PLCE1: variants seen among roughly 807,000 people sequenced by gnomAD.
PLCE1 encodes phospholipase C epsilon 1.
PLCE1 carries 119 observed loss-of-function variants against 242.8 expected under a neutral mutation model. The ratio of observed to expected loss-of-function variants is 0.49; its 90% CI spans 0.42 to 0.57. The LOEUF is 0.57. Among genes scored for constraint, PLCE1 ranks in the 20% least tolerant of loss-of-function variants. PLCE1 has a pLI of 0.00. For synonymous variants in PLCE1, 945 were observed against 1,017.4 expected, an observed-to-expected ratio of 0.93 and a Z score of 1.35; for missense variants, 2,441 against 2,788.8, an observed-to-expected ratio of 0.88 and a Z score of 2.81.
chr10:94,136,821 A>AT (rs2046791828), intron 3 of PLCE1, among the ~76,000 whole-genome samples: 1 of 152,226 alleles, frequency 6.6e-6, no homozygotes. Flanking sequence ...TGCCCTTATC[A>AT]TAAGTGTGTG....
chr10:94,039,363 G>T (rs773259468), intron 2 of PLCE1, among the ~76,000 whole-genome samples: 1 of 151,046 alleles, frequency 6.6e-6, no homozygotes, highest in Non-Finnish European at 1.5e-5. Context: ...AATGCAAAAG[G>T]GTTCTAGTTT....
At chr10:94,195,207 CAT>C (rs755786067) in intron 4 of PLCE1, among the ~76,000 whole-genome samples, 5 of 152,094 alleles carry the variant, frequency 3.3e-5, no homozygotes, top group Non-Finnish European at 7.4e-5. Flanking sequence ...ACTTCAGAAA[CAT>C]AGCATGTTCT....
chr10:94,049,352 G>A (rs938960312), intron 2 of PLCE1, among the ~76,000 whole-genome samples: 4 of 152,052 alleles, frequency 2.6e-5, no homozygotes, highest in Non-Finnish European at 4.4e-5. Context: ...ATGGTGTGAC[G>A]TAGGCAGGAA....
In PLCE1 at chr10:94,328,527, AC is replaced by A. The variant is rs888453803; in HGVS notation, c.*586del. On this transcript the variant is annotated 3_prime_UTR_variant, in exon 33 of 33. Transcript: ENST00000371380. Reference sequence around the variant, plus strand: ...GTGGCAGGCTAGATTTGGCCCAAGGACCTTAATTTGCCAACACAACTAAGAG... The same window carrying A: ...GTGGCAGGCTAGATTTGGCCCAAGGACTTAATTTGCCAACACAACTAAGAG... 2.0e-5 allele frequency: 3 copies of A among 152,282 alleles called. No homozygotes were observed. Among genetic ancestry groups the A allele is most frequent in the African/African-American group, 7.2e-5 (3 of 41,452 alleles). 9.4% of individuals were successfully genotyped at this position (152,282 alleles called of 1,614,324 possible).
At chr10:94,097,954 G>C (rs1049519107) in intron 2 of PLCE1, among the ~76,000 whole-genome samples, 2 of 152,210 alleles carry the variant, frequency 1.3e-5, no homozygotes, top group Non-Finnish European at 2.9e-5. Flanking sequence ...GCAGTGGACA[G>C]GCGACAGAGA....
intron 4 of PLCE1, among the ~76,000 whole-genome samples, chr10:94,213,339 G>C (rs2049408544): frequency 6.6e-6 from 1 of 152,208 alleles, no homozygotes; most frequent in Non-Finnish European, 1.5e-5. Context: ...AATGTCATGT[G>C]ATGTGGTTTA....
intron 13 of PLCE1, among the ~76,000 whole-genome samples, chr10:94,259,422 T>C (rs1022655860): frequency 2.0e-5 from 3 of 152,170 alleles, no homozygotes; most frequent in African/African-American, 7.2e-5. Context: ...TAGCTGGGAC[T>C]ACTGGCATGT....
chr10:94,200,013 A>C (rs2048944254), intron 4 of PLCE1, among the ~76,000 whole-genome samples: 1 of 152,254 alleles, frequency 6.6e-6, no homozygotes, highest in Non-Finnish European at 1.5e-5. Context: ...AAAAAGCTGT[A>C]AGAAACAAGC....
At chr10:94,247,791 T>C (rs1447238381) in intron 8 of PLCE1, among the ~76,000 whole-genome samples, 2 of 152,316 alleles carry the variant, frequency 1.3e-5, no homozygotes, top group East Asian at 3.9e-4. Flanking sequence ...CACTATAGTT[T>C]AGCGTGGCAA....
At chr10:94,217,939 CTTTT>C (rs141342503) in intron 4 of PLCE1, among the ~76,000 whole-genome samples, 2 of 144,048 alleles carry the variant, frequency 1.4e-5, no homozygotes, top group African/African-American at 5.1e-5. Flanking sequence ...ATGCTTCTTA[CTTTT>C]TTTTTTTTTA....
chr10:94,288,729 A>G (rs2133390897), intron 22 of PLCE1, among the ~76,000 whole-genome samples: 1 of 152,290 alleles, frequency 6.6e-6, no homozygotes, highest in Admixed American at 6.5e-5. Context: ...CTCGTCCGGA[A>G]GATTCTGTGA....
At chr10:94,149,163 C>T (rs1451453094) in intron 3 of PLCE1, among the ~76,000 whole-genome samples, 3 of 152,056 alleles carry the variant, frequency 2.0e-5, no homozygotes, top group South Asian at 4.1e-4. Flanking sequence ...AGAAATCTAC[C>T]CCCGTGTGCC....
At chr10:94,319,238 AC>A (rs2053689012) in intron 29 of PLCE1, among the ~76,000 whole-genome samples, 1 of 152,164 alleles carries the variant, frequency 6.6e-6, no homozygotes, top group Admixed American at 6.5e-5. Context: ...TTTTGAAATG[AC>A]TGAAATATAT....
In PLCE1 at chr10:94,270,406, T is replaced by C. The variant is rs575698157; in HGVS notation, c.4390-80T>C. The C allele has an allele frequency of 4.1e-5, 37 of 909,652 alleles. No individual in the cohort carries two copies. The East Asian group carries it at 8.6e-4, about 21-fold the overall frequency. The allele number at this position is 909,652 out of a possible 1,614,324, so 56.3% of individuals were successfully genotyped here. On this transcript the variant is annotated intron_variant, in intron 17 of 32. Coordinates refer to ENST00000371380, the MANE Select transcript of PLCE1 (RefSeq NM_016341.4). ...CTGCTGCATGTAACAATTGAGATGC[T>C]TTCTGTGGCTATAACTACCCTGCCT...
In PLCE1 at chr10:94,171,460, C is replaced by G; in HGVS notation, c.1773C>G (p.His591Gln). The G allele has an allele frequency of 6.2e-7, 1 of 1,614,178 alleles. No individual in the cohort carries two copies. The highest frequency in any genetic ancestry group is 8.5e-7 in the Non-Finnish European group (1 of 1,179,996). The part of the protein sequence containing the change: ...ASILTTQNGE[H>Q]NALEDLVMRF... Reference sequence around the variant, plus strand: ...TTCTTACCACTCAGAATGGAGAGCACAATGCCCTTGAAGATCTGGTGATGA... The same window carrying G: ...TTCTTACCACTCAGAATGGAGAGCAGAATGCCCTTGAAGATCTGGTGATGA... Residue 591 changes from histidine to glutamine, a missense_variant, in exon 4 of 33, where the codon CAC becomes CAG. This residue lies in a region of PLCE1 where 733 missense variants were observed against 754.2 expected (regional missense o/e 0.97). Coordinates refer to ENST00000371380, the MANE Select transcript of PLCE1 (RefSeq NM_016341.4).
Position 94,262,711 on chromosome 10 carries a change from T to C in PLCE1, c.4032T>C (p.Asp1344=), listed in dbSNP as rs750886993. The change falls in exon 14 of 33, where the codon GAT becomes GAC. Residue 1344 remains aspartate (D), a synonymous_variant. Transcript: ENST00000371380. ...VNCQGEHCTY[D]EILSIIQKFE... ...GCCAAGGAGAACACTGCACTTATGA[T>C]GAAATCCTCAGCATCATCCAGGTTT... is the stretch of plus-strand genomic sequence containing the variant. The C allele has an allele frequency of 7.4e-6, 12 of 1,613,258 alleles. No individual in the cohort carries two copies. In the Admixed American group the frequency reaches 1.8e-4, roughly 25 times the overall value.
At chr10:94,089,038 G>A in intron 2 of PLCE1, 3 of 1,587,414 alleles carry the variant, frequency 1.9e-6, no homozygotes, top group Admixed American at 3.4e-5. Context: ...CCTGCACGTT[G>A]CAGGATTTTT....
intron 4 of PLCE1, among the ~76,000 whole-genome samples, chr10:94,223,752 A>C (rs948971030): frequency 1.3e-5 from 2 of 152,172 alleles, no homozygotes; most frequent in Non-Finnish European, 2.9e-5. Flanking sequence ...CTATTGAAAT[A>C]AGCAAAATAA....
intron 2 of PLCE1, among the ~76,000 whole-genome samples, chr10:94,120,511 C>T (rs1185770237): frequency 7.9e-5 from 12 of 152,154 alleles, no homozygotes; most frequent in Non-Finnish European, 5.9e-5. Flanking sequence ...ATGTCCCTAG[C>T]TCCTCTCTGG....
Sources: allele counts gnomAD v4.1 joint callset (sites outside exome capture counted in the v4.1 genomes callset), GRCh38; gene constraint gnomAD v4.1.1; regional missense constraint gnomAD v4.1.1; transcripts MANE v1.5; gene names NCBI Gene and HGNC (gene_info 2026-07-23, HGNC 2026-07-21).